Variants in GRIP1 observed in about 807,000 individuals in gnomAD.
GRIP1 encodes glutamate receptor-interacting protein 1.
GRIP1 carries 45 observed loss-of-function variants against 129.9 expected under a neutral mutation model. The ratio of observed to expected loss-of-function variants is 0.35; its 90% CI spans 0.27 to 0.44. GRIP1 has a LOEUF of 0.44. Ranked by LOEUF, GRIP1 falls within the 20% of genes least tolerant of loss-of-function variation. The pLI, the probability that GRIP1 is intolerant of heterozygous loss-of-function variation, is 1.00. For missense variants in GRIP1, 1,196 were observed against 1,396.8 expected (o/e 0.86, Z 2.29); for synonymous variants, 530 against 520.8 (o/e 1.02, Z -0.24).
At chr12:66,786,220 C>T (rs750326053) in intron 1 of GRIP1, among the ~76,000 whole-genome samples, 13 of 152,066 alleles carry the variant, frequency 8.5e-5, no homozygotes, top group Non-Finnish European at 1.9e-4. Flanking sequence ...GGTAGAAAAT[C>T]AAAATCATTC....
chr12:66,909,612 G>C (rs1005725485), intron 1 of GRIP1, among the ~76,000 whole-genome samples: 3 of 152,156 alleles, frequency 2.0e-5, no homozygotes, highest in Non-Finnish European at 4.4e-5. Context: ...AATTTACTAA[G>C]TGCCTAAAGA....
chr12:66,679,271 A>T, upstream of GRIP1: 1 of 474,512 alleles, frequency 2.1e-6, no homozygotes, highest in Non-Finnish European at 3.3e-6. Flanking sequence ...CATTCTGTTT[A>T]AGGCAAAAGG....
chr12:66,899,884 A>C (rs1022608904), intron 1 of GRIP1, among the ~76,000 whole-genome samples: 3 of 152,152 alleles, frequency 2.0e-5, no homozygotes, highest in African/African-American at 7.2e-5. Flanking sequence ...TACATTCTCC[A>C]TTCTTGGGCA....
intron 1 of GRIP1, among the ~76,000 whole-genome samples, chr12:66,855,180 T>C (rs573055994): frequency 5.3e-5 from 8 of 152,132 alleles, no homozygotes; most frequent in Middle Eastern, 6.8e-3. Context: ...TCAGCTGCTA[T>C]TGTACACATG....
At chr12:66,934,744 A>C (rs549186855) in intron 1 of GRIP1, among the ~76,000 whole-genome samples, 2 of 152,238 alleles carry the variant, frequency 1.3e-5, no homozygotes, top group African/African-American at 4.8e-5. Flanking sequence ...TTAACTAGAT[A>C]TCAAACACAA....
intron 1 of GRIP1, among the ~76,000 whole-genome samples, chr12:66,696,223 G>A (rs1015185525): frequency 1.4e-4 from 21 of 152,008 alleles, no homozygotes; most frequent in African/African-American, 5.1e-4. Context: ...CTTTGACCCA[G>A]TAGACATACA....
chr12:66,932,246 G>A (rs2041408699), intron 1 of GRIP1, among the ~76,000 whole-genome samples: 3 of 152,086 alleles, frequency 2.0e-5, no homozygotes, highest in Admixed American at 1.3e-4. Context: ...CCCAAAGAAA[G>A]CCTCATGATG....
chr12:67,059,607 C>A (rs1056492441), intron 1 of GRIP1, among the ~76,000 whole-genome samples: 2 of 152,196 alleles, frequency 1.3e-5, no homozygotes, highest in Non-Finnish European at 2.9e-5. Flanking sequence ...TCTTAATTGA[C>A]AAGATCTAAT....
chr12:66,553,693 G>T (rs1291243579), intron 2 of GRIP1, among the ~76,000 whole-genome samples: 1 of 151,934 alleles, frequency 6.6e-6, no homozygotes, highest in Non-Finnish European at 1.5e-5. Context: ...AATTGCCGAT[G>T]CCACCCCTTC....
intron 19 of GRIP1, among the ~76,000 whole-genome samples, chr12:66,379,680 C>T (rs143047667): frequency 4.6e-5 from 7 of 152,268 alleles, no homozygotes; most frequent in East Asian, 1.9e-4. Context: ...GATGAGGACA[C>T]GGACGGCTTA....
intron 1 of GRIP1, among the ~76,000 whole-genome samples, chr12:66,968,377 G>A (rs1223234553): frequency 3.6e-5 from 5 of 138,948 alleles, no homozygotes; most frequent in African/African-American, 5.3e-5. Flanking sequence ...ATTTGCCTAC[G>A]ACTCTAGGTT....
At chr12:66,380,970 G>A (rs745347054) in intron 19 of GRIP1, among the ~76,000 whole-genome samples, 2 of 152,172 alleles carry the variant, frequency 1.3e-5, no homozygotes, top group African/African-American at 2.4e-5. Context: ...GATTGCGTAA[G>A]ATGATTCTGT....
intron 1 of GRIP1, among the ~76,000 whole-genome samples, chr12:66,653,018 TG>T (rs1431905617): frequency 6.6e-6 from 1 of 152,164 alleles, no homozygotes; most frequent in Non-Finnish European, 1.5e-5. Context: ...GAGTTTAAAT[TG>T]GTTGTTCTGG....
chr12:66,997,401 AG>A (rs1240866521), intron 1 of GRIP1, among the ~76,000 whole-genome samples: 2 of 152,318 alleles, frequency 1.3e-5, no homozygotes, highest in East Asian at 3.9e-4. Flanking sequence ...AAACAAACAA[AG>A]TGAAACCCTA....
At position 66,795,332 on chromosome 12, in the gene GRIP1, G is replaced by A. The variant is rs563286317; in HGVS notation, c.-420+8721C>T. ...AAAAATGGGGCTTCACAAATCAAAT[G>A]TTATTTTCTGCACCTGAAAATTCAG... On this transcript the variant is annotated intron_variant, in intron 1 of 4. Transcript: ENST00000538373. 2.0e-5 allele frequency among the ~76,000 whole-genome samples: 3 copies of A among 152,274 alleles called. No homozygotes were observed. The South Asian group carries it at 6.2e-4, about 32-fold the overall frequency.
chr12:66,465,362 C>T lies in GRIP1; in HGVS notation c.785G>A (p.Ser262Asn). 6.2e-7 allele frequency: 1 copy of T among 1,613,948 alleles called. No individual in the cohort carries two copies. The highest frequency in any genetic ancestry group is 8.5e-7 in the Non-Finnish European group (1 of 1,179,800). The change falls in exon 8 of 25, where the codon AGC (serine) becomes AAC (asparagine). Residue 262 changes from serine to asparagine, a missense_variant. Ser to Asn is a conservative substitution (Grantham distance 46). Transcript: ENST00000359742. Reference sequence around the variant, plus strand: ...CGAGGTAGTTAGGGCAACCCCAAGGCTGGCACCAGGAGTTTTGGCAACTTC... The same window carrying T: ...CGAGGTAGTTAGGGCAACCCCAAGGTTGGCACCAGGAGTTTTGGCAACTTC... The part of the protein sequence containing the change: ...LVEVAKTPGA[S>N]LGVALTTSMC...
intron 2 of GRIP1, among the ~76,000 whole-genome samples, chr12:66,560,834 G>T (rs1474671658): frequency 1.3e-5 from 2 of 151,968 alleles, no homozygotes; most frequent in Non-Finnish European, 2.9e-5. Flanking sequence ...TATACTGCTA[G>T]GTATAAGCCC....
intron 1 of GRIP1, among the ~76,000 whole-genome samples, chr12:67,050,692 GGTAGCATTTCTCCAT>G (rs2135848783): frequency 6.6e-6 from 1 of 152,014 alleles, no homozygotes; most frequent in East Asian, 1.9e-4. Flanking sequence ...ACTACTCTAT[GGTAGCATTTCTCCAT>G]GCATGTTCTG....
At chr12:66,751,323 G>A (rs1242289624) in intron 1 of GRIP1, among the ~76,000 whole-genome samples, 1 of 152,154 alleles carries the variant, frequency 6.6e-6, no homozygotes, top group Non-Finnish European at 1.5e-5. Flanking sequence ...GAGTAGAGAA[G>A]CTAAGAGGGA....
Sources: allele counts gnomAD v4.1 joint callset (sites outside exome capture counted in the v4.1 genomes callset), GRCh38; gene constraint gnomAD v4.1.1; transcripts MANE v1.5; gene names NCBI Gene and HGNC (gene_info 2026-07-23, HGNC 2026-07-21).